Variants in CHCHD6 observed in about 807,000 individuals in gnomAD.
CHCHD6 encodes coiled-coil-helix-coiled-coil-helix domain containing 6.
In CHCHD6, 28 loss-of-function variants were observed where a neutral mutation model predicts 32.3. That is an observed-to-expected ratio of 0.87 (90% CI 0.64 to 1.19). The LOEUF (loss-of-function observed/expected upper bound fraction) is 1.19. Among genes scored for constraint, CHCHD6 ranks in the 50% most tolerant of loss-of-function variants. CHCHD6 has a pLI of 0.00. For missense variants in CHCHD6, 333 were observed against 307.0 expected (o/e 1.08, Z -0.63); for synonymous variants, 122 against 117.5 (o/e 1.04, Z -0.25).
chr3:126,861,095 T>G (rs1272720162), intron 5 of CHCHD6, among the ~76,000 whole-genome samples: 24 of 152,172 alleles, frequency 1.6e-4, no homozygotes. Context: ...CATTTCCGTT[T>G]ATGTAATAAA....
Position 126,862,353 on chromosome 3 carries a change from TATCACCACCTCCTCCACCACC to T in CHCHD6, c.495+9639_495+9659del, listed in dbSNP as rs1559887281. Among the ~76,000 whole-genome samples, 72 of 10,324 alleles carry T rather than the reference TATCACCACCTCCTCCACCACC, an allele frequency of 7.0e-3. 1 individual carries two copies. The highest frequency in any genetic ancestry group is 0.042 in the Middle Eastern group (1 of 24). The allele number at this position is 10,324 out of a possible 152,430, so 6.8% of individuals were successfully genotyped here. A position where few individuals can be genotyped will look rare whatever the true frequency, so the allele number is the denominator to read the frequency against. Reference sequence around the variant, plus strand: ...CCACCATCACCTCCTCCTCCCCCACTATCACCACCTCCTCCACCACCATCACCACCTCCTCCTCCTCTACCA... The same window carrying T: ...CCACCATCACCTCCTCCTCCCCCACTATCACCACCTCCTCCTCCTCTACCA... On this transcript the variant is annotated intron_variant, in intron 5 of 7. Transcript: ENST00000290913.
chr3:126,869,688 T>C (rs1402574003), intron 5 of CHCHD6, among the ~76,000 whole-genome samples: 2 of 152,224 alleles, frequency 1.3e-5, no homozygotes, highest in African/African-American at 4.8e-5. Context: ...TTCTAATTAT[T>C]TATTGTTACT....
chr3:126,773,601 T>C (rs1228834725), intron 4 of CHCHD6, among the ~76,000 whole-genome samples: 2 of 146,428 alleles, frequency 1.4e-5, no homozygotes, highest in Non-Finnish European at 3.0e-5. Flanking sequence ...TTTCTGCTTT[T>C]CTTTTTTTTT....
intron 6 of CHCHD6, among the ~76,000 whole-genome samples, chr3:126,926,899 G>A (rs565434913): frequency 6.6e-5 from 10 of 152,106 alleles, no homozygotes; most frequent in Admixed American, 1.3e-4. Flanking sequence ...CTCCCACGCC[G>A]GCACTGTTCT....
chr3:126,914,473 A>G (rs1387264669), intron 5 of CHCHD6, among the ~76,000 whole-genome samples: 3 of 152,172 alleles, frequency 2.0e-5, no homozygotes, highest in Non-Finnish European at 4.4e-5. Context: ...AGGATCTCAT[A>G]ACGCACTTGC....
At chr3:126,732,093 A>AAG (rs1935833257) in intron 3 of CHCHD6, among the ~76,000 whole-genome samples, 1 of 151,790 alleles carries the variant, frequency 6.6e-6, no homozygotes, top group African/African-American at 2.4e-5. Context: ...AAAAAAAAAA[A>AAG]AAAAAGAGGA....
intron 5 of CHCHD6, among the ~76,000 whole-genome samples, chr3:126,870,898 C>T (rs1387270979): frequency 6.6e-6 from 1 of 152,200 alleles, no homozygotes; most frequent in Admixed American, 6.5e-5. Flanking sequence ...TCTGCCTTAT[C>T]TCCCCTTTGC....
At chr3:126,817,649 C>G (rs757470114) in intron 4 of CHCHD6, among the ~76,000 whole-genome samples, 4 of 152,314 alleles carry the variant, frequency 2.6e-5, no homozygotes, top group Non-Finnish European at 5.9e-5. Context: ...TGTTTTCACT[C>G]TCCCTCTGCT....
At chr3:126,882,009 A>T (rs2077617229) in intron 5 of CHCHD6, among the ~76,000 whole-genome samples, 1 of 152,218 alleles carries the variant, frequency 6.6e-6, no homozygotes, top group African/African-American at 2.4e-5. Context: ...AGGACGGCCC[A>T]GGAGTTCAGA....
chr3:126,753,653 C>A (rs914271204), intron 4 of CHCHD6, among the ~76,000 whole-genome samples: 1 of 152,234 alleles, frequency 6.6e-6, no homozygotes, highest in Non-Finnish European at 1.5e-5. Context: ...TGCCCTTGCC[C>A]CTGTCTCTCT....
chr3:126,714,958 G>A (rs938617050), intron 1 of CHCHD6, among the ~76,000 whole-genome samples: 5 of 152,138 alleles, frequency 3.3e-5, no homozygotes, highest in South Asian at 4.1e-4. Context: ...TCCCCATTGC[G>A]CCTTCCCAAA....
At chr3:126,959,844 G>A (rs936853637) in intron 7 of CHCHD6, among the ~76,000 whole-genome samples, 2 of 152,236 alleles carry the variant, frequency 1.3e-5, no homozygotes, top group South Asian at 2.1e-4. Flanking sequence ...GCAGAGCAGA[G>A]TTGGGTTAGA....
rs561515877 is a variant in CHCHD6 at position 126,720,432 on chromosome 3, A to T, written c.88-6646A>T. ...GCATTCCCACAGGGTCCACTCTGAA[A>T]TGGGGGGTGCTGTCCAGTCGTGTGC... is the stretch of plus-strand genomic sequence containing the variant. On this transcript the variant is annotated intron_variant, in intron 1 of 7. Transcript: ENST00000290913. Among the ~76,000 whole-genome samples, 23 of 152,186 alleles carry T rather than the reference A, an allele frequency of 1.5e-4. No homozygotes were observed. In the South Asian group the frequency reaches 3.9e-3, roughly 26 times the overall value.
chr3:126,956,957 G>A, intron 6 of CHCHD6: 1 of 173,578 alleles, frequency 5.8e-6, no homozygotes, highest in African/African-American at 2.3e-5. Flanking sequence ...TAAACCACAG[G>A]CACAGGAAAG....
At chr3:126,807,376 G>A (rs1466321119) in intron 4 of CHCHD6, among the ~76,000 whole-genome samples, 4 of 151,858 alleles carry the variant, frequency 2.6e-5, no homozygotes, top group Admixed American at 6.6e-5. Context: ...TAGGGAACTG[G>A]TAAAAAATCA....
At chr3:126,883,039 C>A (rs2077631925) in intron 5 of CHCHD6, among the ~76,000 whole-genome samples, 3 of 152,192 alleles carry the variant, frequency 2.0e-5, no homozygotes, top group Non-Finnish European at 4.4e-5. Flanking sequence ...ATGGTTTAAT[C>A]AATCTTGCCT....
intron 4 of CHCHD6, among the ~76,000 whole-genome samples, chr3:126,745,963 GCC>G (rs1157669604): frequency 6.6e-6 from 1 of 152,146 alleles, no homozygotes; most frequent in Non-Finnish European, 1.5e-5. Context: ...GTCACTCCCT[GCC>G]CCCTACACTT....
intron 5 of CHCHD6, among the ~76,000 whole-genome samples, chr3:126,859,080 A>G (rs1941765835): frequency 6.6e-6 from 1 of 152,244 alleles, no homozygotes; most frequent in African/African-American, 2.4e-5. Context: ...ATTCATCGCC[A>G]AGGGCTGAGG....
chr3:126,706,399 G>A lies in CHCHD6; in HGVS notation c.87+2000G>A, dbSNP rs549214772. ...TGGGACTTTAATTAAGATCTTTTCG[G>A]TGCAAAAAGCAACTTTTTCTCACTT... On this transcript the variant is annotated intron_variant, in intron 1 of 7. Transcript: ENST00000290913. Among the ~76,000 whole-genome samples the A allele has an allele frequency of 2.6e-5, 4 of 152,226 alleles. No homozygotes were observed. The East Asian group carries it at 7.7e-4, about 29-fold the overall frequency.
Sources: gnomAD v4.1 joint callset for allele counts (sites outside exome capture counted in the v4.1 genomes callset) on GRCh38, gnomAD v4.1.1 for gene constraint, MANE v1.5 for transcripts, NCBI Gene and HGNC (gene_info 2026-07-23, HGNC 2026-07-21) for gene names.